SCHIP1: variants seen among roughly 807,000 people sequenced by gnomAD.
SCHIP1 encodes schwannomin-interacting protein 1.
SCHIP1 carries 8 observed loss-of-function variants against 29.7 expected under a neutral mutation model. The observed-to-expected ratio is 0.27, with a 90% CI of 0.16 to 0.49. SCHIP1 has a LOEUF of 0.49. SCHIP1 is among the 20% of genes least tolerant of loss of function. The pLI, the probability that SCHIP1 is intolerant of heterozygous loss-of-function variation, is 0.99. For missense variants in SCHIP1, 193 were observed against 294.6 expected (o/e 0.66, Z 2.52); for synonymous variants, 76 against 94.9 (o/e 0.80, Z 1.16).
the SCHIP1 span, among the ~76,000 whole-genome samples, chr3:159,375,968 C>T: frequency 6.6e-6 from 1 of 152,124 alleles, no homozygotes; most frequent in Non-Finnish European, 1.5e-5. Context: ...TTCTCCAAAA[C>T]AGCCTAATGT....
At chr3:159,751,546 TTTC>T in the SCHIP1 span, among the ~76,000 whole-genome samples, 1 of 126,236 alleles carries the variant, frequency 7.9e-6, no homozygotes, top group Non-Finnish European at 1.6e-5. Context: ...TGAACAATTA[TTTC>T]TTTTTTTTTT....
chr3:159,370,622 T>G, the SCHIP1 span, among the ~76,000 whole-genome samples: 2 of 152,152 alleles, frequency 1.3e-5, no homozygotes. Context: ...GTGAAAAAGA[T>G]CCAACCTCTT....
chr3:159,506,475 A>G, the SCHIP1 span, among the ~76,000 whole-genome samples: 1 of 152,064 alleles, frequency 6.6e-6, no homozygotes, highest in Admixed American at 6.5e-5. Context: ...GTTTAATTAG[A>G]TCCCATTTGT....
At chr3:159,590,661 CTG>C in the SCHIP1 span, among the ~76,000 whole-genome samples, 1 of 152,110 alleles carries the variant, frequency 6.6e-6, no homozygotes, top group African/African-American at 2.4e-5. Context: ...ATCCCTCTCC[CTG>C]TGTAGCCTTT....
At chr3:159,499,963 T>C in the SCHIP1 span, among the ~76,000 whole-genome samples, 5 of 150,192 alleles carry the variant, frequency 3.3e-5, no homozygotes, top group African/African-American at 1.2e-4. Flanking sequence ...TCAGTCTCAA[T>C]TAGTTTATCC....
chr3:159,509,697 T>C, the SCHIP1 span, among the ~76,000 whole-genome samples: 3 of 152,220 alleles, frequency 2.0e-5, no homozygotes, highest in African/African-American at 7.2e-5. Context: ...TGCTTGTCTG[T>C]AAAGTATTTT....
the SCHIP1 span, among the ~76,000 whole-genome samples, chr3:159,384,065 T>C: frequency 7.9e-5 from 12 of 151,722 alleles, no homozygotes; most frequent in Non-Finnish European, 1.6e-4. Context: ...GAGGGACAAT[T>C]TGACTTCCTC....
the SCHIP1 span, among the ~76,000 whole-genome samples, chr3:159,392,470 C>T: frequency 2.1e-5 from 3 of 145,796 alleles, no homozygotes; most frequent in Non-Finnish European, 4.5e-5. Flanking sequence ...CCTCACCCCA[C>T]CCCACAACAG....
the SCHIP1 span, among the ~76,000 whole-genome samples, chr3:159,692,520 A>G: frequency 6.6e-6 from 1 of 152,048 alleles, no homozygotes; most frequent in Admixed American, 6.6e-5. Context: ...CAATTCGGCT[A>G]TTGATATTTG....
At chr3:159,556,898 C>T in the SCHIP1 span, among the ~76,000 whole-genome samples, 1 of 149,746 alleles carries the variant, frequency 6.7e-6, no homozygotes, top group African/African-American at 2.5e-5. Flanking sequence ...GCACATGCAC[C>T]CTAAAACTTG....
At chr3:159,275,846 A>G in the SCHIP1 span, among the ~76,000 whole-genome samples, 6 of 152,268 alleles carry the variant, frequency 3.9e-5, no homozygotes, top group Middle Eastern at 3.4e-3. Flanking sequence ...TCTTTTTTAA[A>G]TAACATTCTG....
At chr3:159,847,254 C>T (rs1711969280) in intron 1 of SCHIP1, among the ~76,000 whole-genome samples, 3 of 152,222 alleles carry the variant, frequency 2.0e-5, no homozygotes, top group East Asian at 1.9e-4. Context: ...ACATACATAA[C>T]GCACAAATAT....
At chr3:159,412,171 T>A in the SCHIP1 span, among the ~76,000 whole-genome samples, 1 of 152,182 alleles carries the variant, frequency 6.6e-6, no homozygotes, top group Non-Finnish European at 1.5e-5. Context: ...CTCCTTTCAA[T>A]ACCACTTAGC....
the SCHIP1 span, among the ~76,000 whole-genome samples, chr3:159,432,286 ATG>A: frequency 0.023 from 2,461 of 107,860 alleles, 27 homozygotes; most frequent in South Asian, 0.047. Context: ...AGAGTAGGTG[ATG>A]TGTGTGTGTG....
At chr3:159,866,280 C>A (rs754822820) in exon 2 of SCHIP1, 30 of 1,612,872 alleles carry the variant, frequency 1.9e-5, no homozygotes, top group Non-Finnish European at 2.5e-5. Flanking sequence ...CCTTTCCTCC[C>A]GGTGAGTGTT....
chr3:159,581,962 C>T, the SCHIP1 span, among the ~76,000 whole-genome samples: 30 of 152,116 alleles, frequency 2.0e-4, no homozygotes, highest in African/African-American at 6.0e-4. Context: ...TTTCCCTATA[C>T]GAAATCTTCA....
chr3:159,879,009 G>A (rs943119939), intron 2 of SCHIP1, among the ~76,000 whole-genome samples: 1 of 150,670 alleles, frequency 6.6e-6, no homozygotes, highest in African/African-American at 2.4e-5. Context: ...TTATAGCATA[G>A]GTACTGTTTT....
chr3:159,763,103 G>C, the SCHIP1 span, among the ~76,000 whole-genome samples: 2 of 152,170 alleles, frequency 1.3e-5, no homozygotes, highest in Non-Finnish European at 2.9e-5. Flanking sequence ...GAGGGGAAGG[G>C]AAACGTGAGC....
the SCHIP1 span, among the ~76,000 whole-genome samples, chr3:159,518,281 G>GA: frequency 1.4e-3 from 211 of 152,164 alleles, no homozygotes; most frequent in South Asian, 0.026. Flanking sequence ...TTTAGAAAAT[G>GA]ATTGCATTTG....
Sources: allele counts gnomAD v4.1 joint callset (sites outside exome capture counted in the v4.1 genomes callset), GRCh38; gene constraint gnomAD v4.1.1; transcripts MANE v1.5; gene names NCBI Gene and HGNC (gene_info 2026-07-23, HGNC 2026-07-21).